FBN1: variants seen among roughly 807,000 people sequenced by gnomAD.
FBN1 encodes the protein fibrillin 1, also known as fibrillin-1.
Under a neutral mutation model 365.1 loss-of-function variants are expected in FBN1, and 29 were observed. That is an observed-to-expected ratio of 0.08 (90% CI 0.06 to 0.11). The LOEUF is 0.11. Ranked by LOEUF, FBN1 falls within the 10% of genes least tolerant of loss-of-function variation. The pLI, the probability that FBN1 is intolerant of heterozygous loss-of-function variation, is 1.00. For missense variants in FBN1, 2,476 were observed against 3,703.2 expected, an observed-to-expected ratio of 0.67 and a Z score of 8.60; for synonymous variants, 1,210 against 1,270.5, an observed-to-expected ratio of 0.95 and a Z score of 1.01.
intron 48 of FBN1, among the ~76,000 whole-genome samples, chr15:48,445,145 C>CATATATATATACACACATATATATATGT: frequency 9.4e-6 from 1 of 106,780 alleles, no homozygotes; most frequent in African/African-American, 4.0e-5. Context: ...TACACACACA[C>CATATATATATACACACATATATATATGT]ATATATATAT....
intron 24 of FBN1, among the ~76,000 whole-genome samples, chr15:48,491,792 C>G (rs2043561111): frequency 6.6e-6 from 1 of 152,166 alleles, no homozygotes; most frequent in Non-Finnish European, 1.5e-5. Flanking sequence ...TCTAGGCAGG[C>G]AGAAGCCATA....
chr15:48,474,759 G>A, intron 32 of FBN1, 109 bp from the exon 33 acceptor site: 5 of 1,390,302 alleles, frequency 3.6e-6, no homozygotes, highest in Admixed American at 1.8e-5. Context: ...CCATGGTATA[G>A]TATAGACTGG....
In FBN1 at chr15:48,483,936, A is replaced by G; in HGVS notation, c.3720T>C (p.Asp1240=). 2.5e-6 allele frequency: 4 copies of G among 1,612,964 alleles called. No homozygotes were observed. Among genetic ancestry groups the G allele is most frequent in the Non-Finnish European group, 3.4e-6 (4 of 1,179,958 alleles). ...AGATATTGGGATTATCTTCACACTC[A>G]TCGATGTCTGCAAAGAATAAAACCA... ...MPDQRSCTDI[D]ECEDNPNICD... Residue 1240 remains aspartate (D), a synonymous_variant, in exon 31 of 66, where the codon GAT becomes GAC. Transcript: ENST00000316623.
chr15:48,634,896 C>G, intron 2 of FBN1, among the ~76,000 whole-genome samples: 1 of 125,866 alleles, frequency 7.9e-6, no homozygotes, highest in East Asian at 2.9e-4. Context: ...CACACACACA[C>G]ACACACAAAA....
chr15:48,555,293 G>A (rs2141377820), intron 6 of FBN1, among the ~76,000 whole-genome samples: 1 of 152,260 alleles, frequency 6.6e-6, no homozygotes, highest in East Asian at 1.9e-4. Flanking sequence ...CGCCCAGCAT[G>A]AGCTTCTAAC....
intron 42 of FBN1, among the ~76,000 whole-genome samples, chr15:48,461,469 A>C (rs2043279822): frequency 6.6e-6 from 1 of 152,236 alleles, no homozygotes; most frequent in Non-Finnish European, 1.5e-5. Flanking sequence ...ATCTTTAAAA[A>C]AATTAATTTT....
At chr15:48,414,710 C>G (rs970961890) in intron 64 of FBN1, among the ~76,000 whole-genome samples, 1 of 152,098 alleles carries the variant, frequency 6.6e-6, no homozygotes, top group African/African-American at 2.4e-5. Context: ...TCCTGGCTAA[C>G]ACGGTGAAAC....
rs999876424 is a variant in FBN1 at position 48,408,645 on chromosome 15, A to G, written c.*2345T>C. Reference sequence around the variant, plus strand: ...ACAGACAATTGAAAGGTACAGGTTTAAATCTCAGGATTAAAAAGAGTTCCA... The same window carrying G: ...ACAGACAATTGAAAGGTACAGGTTTGAATCTCAGGATTAAAAAGAGTTCCA... On this transcript the variant is annotated 3_prime_UTR_variant, in exon 66 of 66. Transcript: ENST00000316623. 3 of 152,688 alleles carry G rather than the reference A, an allele frequency of 2.0e-5. No individual in the cohort carries two copies. Among genetic ancestry groups the G allele is most frequent in the African/African-American group, 7.2e-5 (3 of 41,462 alleles). The allele number at this position is 152,688 out of a possible 1,614,324, so 9.5% of individuals were successfully genotyped here. A position where few individuals can be genotyped will look rare whatever the true frequency, so the allele number is the denominator to read the frequency against.
chr15:48,498,589 T>C (rs2043628104), intron 18 of FBN1, among the ~76,000 whole-genome samples: 1 of 152,216 alleles, frequency 6.6e-6, no homozygotes, highest in Non-Finnish European at 1.5e-5. Context: ...CAGTTCAGAA[T>C]CCTTCAGAAT....
intron 2 of FBN1, among the ~76,000 whole-genome samples, chr15:48,626,435 GAAACATTTATAGCTAC>G (rs1889881447): frequency 6.6e-6 from 1 of 152,118 alleles, no homozygotes; most frequent in African/African-American, 2.4e-5. Flanking sequence ...GCATCATTTA[GAAACATTTATAGCTAC>G]AAAAGCTTCA....
At chr15:48,622,342 G>C (rs1889785398) in intron 2 of FBN1, among the ~76,000 whole-genome samples, 1 of 152,140 alleles carries the variant, frequency 6.6e-6, no homozygotes, top group Non-Finnish European at 1.5e-5. Flanking sequence ...ACTCAGGGAG[G>C]CCAGAACAAA....
At chr15:48,448,504 A>G (rs377335276) in intron 46 of FBN1, among the ~76,000 whole-genome samples, 2 of 152,180 alleles carry the variant, frequency 1.3e-5, no homozygotes, top group East Asian at 3.8e-4. Flanking sequence ...TAACATTAAT[A>G]TTTTTGTATT....
chr15:48,479,656 G>A (rs1360193798), intron 32 of FBN1, among the ~76,000 whole-genome samples: 3 of 152,194 alleles, frequency 2.0e-5, no homozygotes, highest in Non-Finnish European at 4.4e-5. Context: ...TCAAATCTAT[G>A]TTCATGTGAT....
intron 13 of FBN1, among the ~76,000 whole-genome samples, chr15:48,510,962 T>A (rs2043754146): frequency 6.6e-6 from 1 of 152,170 alleles, no homozygotes; most frequent in South Asian, 2.1e-4. Flanking sequence ...TGGATAAACA[T>A]CAAAGAGGAT....
chr15:48,453,032 G>A (rs1037498914), intron 44 of FBN1, among the ~76,000 whole-genome samples: 7 of 152,174 alleles, frequency 4.6e-5, no homozygotes, highest in Admixed American at 1.3e-4. Context: ...TAAGGCGGGC[G>A]GATCACCTGA....
intron 6 of FBN1, among the ~76,000 whole-genome samples, chr15:48,542,913 C>G (rs980988122): frequency 6.6e-6 from 1 of 151,346 alleles, no homozygotes; most frequent in African/African-American, 2.4e-5. Context: ...AAGATAACAA[C>G]TACTTATCTG....
chr15:48,421,534 A>T, intron 62 of FBN1, 24 bp downstream of exon 62: 1 of 1,609,384 alleles, frequency 6.2e-7, no homozygotes, highest in Non-Finnish European at 8.5e-7. Context: ...CACCAGCTGG[A>T]TCGCAGCTGA....
intron 54 of FBN1, 151 bp downstream of exon 54, chr15:48,434,443 C>A (rs2043048347): frequency 1.1e-6 from 1 of 923,106 alleles, no homozygotes; most frequent in South Asian, 1.4e-5. Flanking sequence ...AGAGAAGAGG[C>A]CACAAAAGAA....
intron 47 of FBN1, 101 bp from the exon 48 acceptor site, chr15:48,445,605 T>G: frequency 7.4e-7 from 1 of 1,354,644 alleles, no homozygotes; most frequent in South Asian, 1.2e-5. Context: ...TTCTGAATTT[T>G]AGTGGCCTTT....
Sources: gnomAD v4.1 joint callset for allele counts (sites outside exome capture counted in the v4.1 genomes callset) on GRCh38, gnomAD v4.1.1 for gene constraint, MANE v1.5 for transcripts, NCBI Gene and HGNC (gene_info 2026-07-23, HGNC 2026-07-21) for gene names.